HIVEP3: variants seen among roughly 807,000 people sequenced by gnomAD.
The protein encoded by HIVEP3 is HIVEP zinc finger 3.
Under a neutral mutation model 152.8 loss-of-function variants are expected in HIVEP3, and 49 were observed. The observed-to-expected ratio is 0.32, with a 90% confidence interval of 0.26 to 0.41. The LOEUF (loss-of-function observed/expected upper bound fraction) is 0.41, where lower values mean the gene tolerates loss of function less well. HIVEP3 is among the 10% of genes least tolerant of loss of function. HIVEP3 has a pLI of 1.00. For synonymous variants in HIVEP3, 1,269 were observed against 1,289.0 expected (o/e 0.98, Z 0.33); for missense variants, 2,790 against 3,103.3 (o/e 0.90, Z 2.40).
At chr1:41,919,091 GTATAA>G (rs939629262), upstream of HIVEP3, among the ~76,000 whole-genome samples, 9 of 152,030 alleles carry the variant, frequency 5.9e-5, no homozygotes, top group Admixed American at 2.0e-4. Context: ...CAACATATAT[GTATAA>G]TATATGTGCA....
chr1:41,895,830 T>A (rs1202711607), intron 1 of HIVEP3, among the ~76,000 whole-genome samples: 1 of 152,086 alleles, frequency 6.6e-6, no homozygotes, highest in Non-Finnish European at 1.5e-5. Context: ...GAACACGGCC[T>A]ATAGAAAACT....
chr1:41,768,154 T>C (rs1017580610), intron 1 of HIVEP3, among the ~76,000 whole-genome samples: 2 of 152,120 alleles, frequency 1.3e-5, no homozygotes, highest in African/African-American at 4.8e-5. Context: ...TAACTGAGAC[T>C]CGGAAGAAAA....
chr1:41,658,163 A>C (rs1645656898), intron 2 of HIVEP3, among the ~76,000 whole-genome samples: 1 of 152,212 alleles, frequency 6.6e-6, no homozygotes, highest in Non-Finnish European at 1.5e-5. Flanking sequence ...AAATCTGTTA[A>C]TTGGTTTACA....
chr1:41,918,586 A>C lies in HIVEP3; in HGVS notation c.-974T>G, dbSNP rs969141574. 2.0e-5 allele frequency: 3 copies of C among 152,174 alleles called. No individual in the cohort carries two copies. Among genetic ancestry groups the C allele is most frequent in the African/African-American group, 7.2e-5 (3 of 41,430 alleles). The allele number at this position is 152,174 out of a possible 1,614,324, so 9.4% of individuals were successfully genotyped here. ...ATTGTCCTTAAAAAATAACCTGTGC[A>C]TACGTATGTCCATCCAGGCATGCAT... On this transcript the variant is annotated 5_prime_UTR_variant, in exon 1 of 9. An upstream start codon of the reference 5' UTR is lost. Transcript: ENST00000372583. The surrounding 1 kb of genome is among the most constrained non-coding windows in gnomAD (Gnocchi z 4.3).
intron 1 of HIVEP3, among the ~76,000 whole-genome samples, chr1:41,851,658 T>G (rs1643604415): frequency 6.6e-6 from 1 of 152,184 alleles, no homozygotes; most frequent in Non-Finnish European, 1.5e-5. Flanking sequence ...TTCCTTCCTG[T>G]TTCTCTCATT....
chr1:41,912,776 C>T (rs1378542156), intron 1 of HIVEP3, among the ~76,000 whole-genome samples: 1 of 152,140 alleles, frequency 6.6e-6, no homozygotes, highest in Non-Finnish European at 1.5e-5. Context: ...TGCCCAATTC[C>T]CCTCATCAAG....
chr1:41,785,403 G>A (rs1649289936), intron 1 of HIVEP3, among the ~76,000 whole-genome samples: 1 of 152,182 alleles, frequency 6.6e-6, no homozygotes, highest in South Asian at 2.1e-4. Flanking sequence ...CAGGGATTTA[G>A]GATGGATCAA....
chr1:41,788,679 G>T (rs1351881997), intron 1 of HIVEP3, among the ~76,000 whole-genome samples: 1 of 152,236 alleles, frequency 6.6e-6, no homozygotes, highest in Non-Finnish European at 1.5e-5. Context: ...TCTCCATATT[G>T]TATCTCATCC....
intron 5 of HIVEP3, among the ~76,000 whole-genome samples, chr1:41,565,737 G>A (rs953854250): frequency 3.3e-5 from 5 of 152,052 alleles, no homozygotes; most frequent in African/African-American, 7.2e-5. Context: ...CTACATCCTC[G>A]TTGTAGCTCT....
chr1:41,842,468 C>G (rs1485337873), intron 1 of HIVEP3, among the ~76,000 whole-genome samples: 1 of 152,154 alleles, frequency 6.6e-6, no homozygotes, highest in African/African-American at 2.4e-5. Context: ...GGACTGAACT[C>G]TTCCACCAGG....
At chr1:41,612,779 G>A (rs1644916920) in intron 3 of HIVEP3, among the ~76,000 whole-genome samples, 1 of 152,302 alleles carries the variant, frequency 6.6e-6, no homozygotes, top group East Asian at 1.9e-4. Context: ...AATCATCACC[G>A]TCCTAAGTGC....
chr1:41,987,513 A>C (rs540598556), intron 1 of HIVEP3, among the ~76,000 whole-genome samples: 1 of 152,318 alleles, frequency 6.6e-6, no homozygotes, highest in African/African-American at 2.4e-5. Context: ...TCTGATCTCA[A>C]AATCTGCTAC....
chr1:41,849,466 C>T (rs567205825), intron 1 of HIVEP3, among the ~76,000 whole-genome samples: 1 of 152,320 alleles, frequency 6.6e-6, no homozygotes, highest in African/African-American at 2.4e-5. Context: ...CTAACCCCTC[C>T]TCCATGCAGA....
chr1:41,567,597 A>T (rs145407174), intron 5 of HIVEP3, among the ~76,000 whole-genome samples: 42 of 152,276 alleles, frequency 2.8e-4, no homozygotes, highest in Middle Eastern at 3.4e-3. Flanking sequence ...GATAGCCTAG[A>T]CCCACCCCAG....
intron 5 of HIVEP3, among the ~76,000 whole-genome samples, chr1:41,549,003 C>CT (rs1643867567): frequency 1.3e-5 from 2 of 152,010 alleles, no homozygotes; most frequent in Admixed American, 1.3e-4. Flanking sequence ...GTAATGCTAT[C>CT]CCTAATGCTA....
At chr1:41,885,028 C>T (rs1489133716) in intron 1 of HIVEP3, among the ~76,000 whole-genome samples, 3 of 152,202 alleles carry the variant, frequency 2.0e-5, no homozygotes, top group Admixed American at 1.3e-4. Context: ...ATCCAGTACC[C>T]ATGCTCTCCA....
chr1:41,735,975 A>G (rs575898621), intron 1 of HIVEP3, among the ~76,000 whole-genome samples: 28 of 152,200 alleles, frequency 1.8e-4, no homozygotes, highest in African/African-American at 6.0e-4. Context: ...AGTTAGCCCC[A>G]CCATCAAAGT....
chr1:41,752,293 C>T (rs978802219), intron 1 of HIVEP3, among the ~76,000 whole-genome samples: 7 of 152,222 alleles, frequency 4.6e-5, no homozygotes, highest in Admixed American at 2.0e-4. Context: ...ACGGAGGCTC[C>T]GCAATAGCTC....
intron 1 of HIVEP3, among the ~76,000 whole-genome samples, chr1:41,841,255 A>C (rs1035429491): frequency 2.0e-5 from 3 of 152,136 alleles, no homozygotes; most frequent in Admixed American, 6.6e-5. Context: ...ACACACCCAG[A>C]ATTTCTCCTG....
Sources: gnomAD v4.1 joint callset for allele counts (sites outside exome capture counted in the v4.1 genomes callset) on GRCh38, gnomAD v4.1.1 for gene constraint, Gnocchi (gnomAD v3.1) non-coding constraint, MANE v1.5 for transcripts, NCBI Gene and HGNC (gene_info 2026-07-23, HGNC 2026-07-21) for gene names.